F13A1: variants seen among roughly 807,000 people sequenced by gnomAD.
F13A1 encodes the protein FSF, A subunit.
Under a neutral mutation model 80.1 loss-of-function variants are expected in F13A1, and 47 were observed. The observed-to-expected ratio is 0.59, with a 90% CI of 0.46 to 0.75. F13A1 has a LOEUF of 0.75. Ranked by LOEUF, F13A1 falls within the 30% of genes least tolerant of loss-of-function variation. The pLI, the probability that F13A1 is intolerant of heterozygous loss-of-function variation, is 0.00. For missense variants in F13A1, 817 were observed against 930.4 expected (o/e 0.88, Z 1.59); for synonymous variants, 349 against 344.9 (o/e 1.01, Z -0.13).
chr6:6,277,862 T>C (rs1385101084), intron 3 of F13A1, among the ~76,000 whole-genome samples: 1 of 152,242 alleles, frequency 6.6e-6, no homozygotes, highest in Non-Finnish European at 1.5e-5. Flanking sequence ...TTCATAAATG[T>C]TCATAGCTCC....
chr6:6,218,937 G>T (rs1284120694), intron 8 of F13A1, among the ~76,000 whole-genome samples: 1 of 152,114 alleles, frequency 6.6e-6, no homozygotes, highest in African/African-American at 2.4e-5. Context: ...CTGGGATTTG[G>T]CTGAGTCATG....
chr6:6,254,819 T>C (rs939657438), intron 4 of F13A1, among the ~76,000 whole-genome samples: 1 of 152,196 alleles, frequency 6.6e-6, no homozygotes, highest in African/African-American at 2.4e-5. Context: ...TAATTGTTAG[T>C]GTCTCTAATT....
chr6:6,280,858 A>G (rs2113142573), intron 3 of F13A1, among the ~76,000 whole-genome samples: 1 of 152,334 alleles, frequency 6.6e-6, no homozygotes. Flanking sequence ...TCCGTAAATA[A>G]CACCTAATTC....
chr6:6,231,024 A>AC (rs1457174237), intron 6 of F13A1, among the ~76,000 whole-genome samples: 1 of 152,106 alleles, frequency 6.6e-6, no homozygotes, highest in East Asian at 1.9e-4. Context: ...GCTCTTCAAC[A>AC]CCCCCCAAAA....
intron 8 of F13A1, chr6:6,206,744 A>C (rs947923723): frequency 5.5e-6 from 2 of 362,182 alleles, no homozygotes; most frequent in African/African-American, 4.3e-5. Flanking sequence ...TACATACATA[A>C]TTTTCTAAAA....
At chr6:6,258,757 TA>T (rs1242725336) in intron 4 of F13A1, among the ~76,000 whole-genome samples, 2 of 152,162 alleles carry the variant, frequency 1.3e-5, no homozygotes, top group Non-Finnish European at 2.9e-5. Context: ...ATTGAGTAAA[TA>T]AAGGTTAAAA....
At position 6,186,281 on chromosome 6, in the gene F13A1, A is replaced by T. The variant is rs1396963437; in HGVS notation, c.1306-4140T>A. Among the ~76,000 whole-genome samples the T allele has an allele frequency of 4.0e-5, 6 of 151,776 alleles. No individual in the cohort carries two copies. In the South Asian group the frequency reaches 6.3e-4, roughly 16 times the overall value. On this transcript the variant is annotated intron_variant, in intron 10 of 14. Transcript: ENST00000264870. ...GTTGCCATTGCTTTTGGTGTTTTAG[A>T]CATGAAGTCCTTGCCCATGCCTATG...
At chr6:6,288,002 G>GT (rs1286737951) in intron 3 of F13A1, among the ~76,000 whole-genome samples, 3 of 151,682 alleles carry the variant, frequency 2.0e-5, no homozygotes, top group African/African-American at 7.3e-5. Flanking sequence ...GTGTGTAGAT[G>GT]TTTTTTAAAA....
intron 1 of F13A1, among the ~76,000 whole-genome samples, chr6:6,319,610 C>T (rs929719613): frequency 2.6e-5 from 4 of 152,264 alleles, no homozygotes; most frequent in South Asian, 2.1e-4. Context: ...CCCCCTTGAT[C>T]CCCTGGATTA....
intron 8 of F13A1, among the ~76,000 whole-genome samples, chr6:6,209,789 G>C (rs1761568826): frequency 6.6e-6 from 1 of 152,212 alleles, no homozygotes; most frequent in Non-Finnish European, 1.5e-5. Flanking sequence ...GAAATGATCA[G>C]AACTGGCAAA....
chr6:6,178,986 A>G (rs1172760716), intron 11 of F13A1, among the ~76,000 whole-genome samples: 1 of 152,210 alleles, frequency 6.6e-6, no homozygotes, highest in Admixed American at 6.5e-5. Context: ...AGGAGTGGAG[A>G]AGGAACACAG....
intron 8 of F13A1, among the ~76,000 whole-genome samples, chr6:6,202,670 T>C (rs1186944207): frequency 6.6e-6 from 1 of 152,218 alleles, no homozygotes; most frequent in African/African-American, 2.4e-5. Flanking sequence ...GAAATCAAAA[T>C]AAAGGCCTCA....
intron 8 of F13A1, among the ~76,000 whole-genome samples, chr6:6,218,867 C>T (rs1411032001): frequency 6.6e-6 from 1 of 152,142 alleles, no homozygotes; most frequent in Non-Finnish European, 1.5e-5. Flanking sequence ...ATACACCTCT[C>T]ACACCCTCTT....
Position 6,277,285 on chromosome 6 carries a change from G to C in F13A1, c.320-10476C>G, listed in dbSNP as rs1310764979. Among the ~76,000 whole-genome samples the C allele has an allele frequency of 4.7e-5, 3 of 63,862 alleles. 1 individual carries two copies. In the East Asian group the frequency reaches 1.1e-3, roughly 23 times the overall value. The allele number at this position is 63,862 out of a possible 152,430, so 41.9% of individuals were successfully genotyped here. ...CGGGAGGCGGAGCTTGCAGTGAGCC[G>C]AGATCCCGCCACTGCACTCCAGCCT... On this transcript the variant is annotated intron_variant, in intron 3 of 14. Transcript: ENST00000264870.
At chr6:6,148,403 CA>C (rs1381134138) in intron 14 of F13A1, among the ~76,000 whole-genome samples, 1 of 152,158 alleles carries the variant, frequency 6.6e-6, no homozygotes, top group East Asian at 1.9e-4. Context: ...GCTTTGGGTT[CA>C]ATAACCCCTG....
At chr6:6,310,585 G>T (rs936361825) in intron 2 of F13A1, among the ~76,000 whole-genome samples, 5 of 152,146 alleles carry the variant, frequency 3.3e-5, no homozygotes, top group African/African-American at 1.2e-4. Context: ...TAGGCTGCCT[G>T]AACCCAAATC....
rs1054292194 is a variant in F13A1, at chr6:6,243,647, C to T, written c.798+4665G>A. ...GGTAATATGATCTGAGAGTAAGGACCATATCTGGTTTCAGCTCAGCCACTT... is the reference window on the plus strand; with the variant it reads ...GGTAATATGATCTGAGAGTAAGGACTATATCTGGTTTCAGCTCAGCCACTT... On this transcript the variant is annotated intron_variant, in intron 6 of 14. Transcript: ENST00000264870. This position sits in a 1 kb window ranked among gnomAD's most constrained non-coding sequence, Gnocchi z 4.2. Among the ~76,000 whole-genome samples the T allele has an allele frequency of 1.3e-5, 2 of 152,044 alleles. No homozygotes were observed. Among genetic ancestry groups the T allele is most frequent in the Admixed American group, 6.6e-5 (1 of 15,264 alleles).
chr6:6,274,978 C>T (rs753508472), intron 3 of F13A1, among the ~76,000 whole-genome samples: 2 of 152,082 alleles, frequency 1.3e-5, no homozygotes, highest in Admixed American at 6.6e-5. Context: ...GGACCTCCAA[C>T]GCTGTGCAAA....
rs113956364 is a variant in F13A1, at chr6:6,319,600, C to G, written c.-18-918G>C. ...TTTGTTTCTGGGCCCAGTGAAGGTT[C>G]CCCCTTGATCCCCTGGATTACCCAG... On this transcript the variant is annotated intron_variant, in intron 1 of 14. Coordinates refer to ENST00000264870, the MANE Select transcript of F13A1 (RefSeq NM_000129.4). 2.3e-3 allele frequency among the ~76,000 whole-genome samples: 348 copies of G among 152,242 alleles called. 3 individuals carry two copies. The highest frequency in any genetic ancestry group is 8.2e-3 in the African/African-American group (339 of 41,526).
Sources: allele counts gnomAD v4.1 joint callset (sites outside exome capture counted in the v4.1 genomes callset), GRCh38; gene constraint gnomAD v4.1.1; non-coding constraint Gnocchi (gnomAD v3.1); transcripts MANE v1.5; gene names NCBI Gene and HGNC (gene_info 2026-07-23, HGNC 2026-07-21).